The following CTNNA3 variants were observed in gnomAD, a reference collection of about 807,000 sequenced individuals.
CTNNA3 encodes the protein catenin alpha 3, also known as catenin alpha-3.
Under a neutral mutation model 95.7 loss-of-function variants are expected in CTNNA3, and 76 were observed. The observed-to-expected ratio is 0.79, with a 90% CI of 0.66 to 0.96. The LOEUF (loss-of-function observed/expected upper bound fraction) is 0.96. Ranked by LOEUF, CTNNA3 falls within the 40% of genes least tolerant of loss-of-function variation. The probability of loss-of-function intolerance (pLI) is 0.00; values close to 1 mark genes in which losing one functional copy is unlikely to be tolerated. For synonymous variants in CTNNA3, 431 were observed against 374.4 expected, an observed-to-expected ratio of 1.15 and a Z score of -1.74; for missense variants, 1,191 against 1,089.8, an observed-to-expected ratio of 1.09 and a Z score of -1.31.
rs1259501237 is a variant in CTNNA3 at position 67,443,493 on chromosome 10, T to C, written c.579+78349A>G. 9.9e-5 allele frequency among the ~76,000 whole-genome samples: 15 copies of C among 152,060 alleles called. No individual in the cohort carries two copies. In the South Asian group the frequency reaches 2.9e-3, roughly 29 times the overall value. On this transcript the variant is annotated intron_variant, in intron 5 of 17. Coordinates refer to ENST00000433211, the MANE Select transcript of CTNNA3 (RefSeq NM_013266.4). ...ACTTTTTAATGATTGCCGTTCTAAC[T>C]GGTGTGAGATGATATCTCATTGTGG... is the stretch of plus-strand genomic sequence containing the variant.
rs35076056 is a variant in CTNNA3 at position 66,958,308 on chromosome 10, CAAAAAAAA to C, written c.1048-182792_1048-182785del. Among the ~76,000 whole-genome samples the C allele has an allele frequency of 0.034, 2,972 of 87,000 alleles. 217 individuals are homozygous for C. The East Asian group carries it at 0.38, about 11-fold the overall frequency. The allele number at this position is 87,000 out of a possible 152,430, so 57.1% of individuals were successfully genotyped here. ...TTTTTTTCCTCCACCTGCTTTCTTGCAAAAAAAAAAAAAAAAAAAAAAAAAATGCCTGT... is the reference window on the plus strand; with the variant it reads ...TTTTTTTCCTCCACCTGCTTTCTTGCAAAAAAAAAAAAAAAAAATGCCTGT... On this transcript the variant is annotated intron_variant, in intron 7 of 17. Coordinates refer to ENST00000433211, the MANE Select transcript of CTNNA3 (RefSeq NM_013266.4).
At position 66,456,398 on chromosome 10, in the gene CTNNA3, G is replaced by C. The variant is rs533384694; in HGVS notation, c.1531+64219C>G. Among the ~76,000 whole-genome samples the C allele has an allele frequency of 1.5e-3, 234 of 152,206 alleles. 1 individual carries two copies. Among genetic ancestry groups the C allele is most frequent in the African/African-American group, 5.5e-3 (228 of 41,530 alleles). On this transcript the variant is annotated intron_variant, in intron 11 of 17. Coordinates refer to ENST00000433211, the MANE Select transcript of CTNNA3 (RefSeq NM_013266.4). ...GAATTCTGTGCAAAATAATCCAATGGGGAAAAGACAGTCTTTGCAACAAAT... is the reference window on the plus strand; with the variant it reads ...GAATTCTGTGCAAAATAATCCAATGCGGAAAAGACAGTCTTTGCAACAAAT...
intron 2 of CTNNA3, among the ~76,000 whole-genome samples, chr10:67,616,927 C>T (rs183842311): frequency 1.5e-4 from 23 of 152,104 alleles, no homozygotes; most frequent in South Asian, 2.1e-4. Context: ...CTCTTAAAAA[C>T]GATGTATAAC....
intron 5 of CTNNA3, among the ~76,000 whole-genome samples, chr10:67,435,281 C>T (rs904850372): frequency 6.6e-6 from 1 of 151,932 alleles, no homozygotes; most frequent in Admixed American, 6.6e-5. Flanking sequence ...ACTCAAACAT[C>T]CATACATCCG....
intron 7 of CTNNA3, among the ~76,000 whole-genome samples, chr10:66,905,830 T>C (rs963652620): frequency 6.6e-6 from 1 of 151,942 alleles, no homozygotes; most frequent in Non-Finnish European, 1.5e-5. Context: ...AGGCATTGGG[T>C]GAGGAGGAAA....
At position 66,318,276 on chromosome 10, in the gene CTNNA3, A is replaced by ATATGTGTGTGTGTGTGTGTGTG. The variant is rs33943741; in HGVS notation, c.1733-37656_1733-37655insCACACACACACACACACACATA. Among the ~76,000 whole-genome samples, 265 of 136,638 alleles carry ATATGTGTGTGTGTGTGTGTGTG rather than the reference A, an allele frequency of 1.9e-3. 1 individual carries two copies. The highest frequency in any genetic ancestry group is 6.6e-3 in the African/African-American group (245 of 37,012). 89.6% of individuals were successfully genotyped at this position (136,638 alleles called of 152,430 possible). ...GTTGCTGGGAGATATATATATATAT[A>ATATGTGTGTGTGTGTGTGTGTG]TGTGTGTGTGTGTGTGTGTGTGTGT... On this transcript the variant is annotated intron_variant, in intron 12 of 17. Coordinates refer to ENST00000433211, the MANE Select transcript of CTNNA3 (RefSeq NM_013266.4).
chr10:66,455,754 C>A (rs35455889), intron 11 of CTNNA3, among the ~76,000 whole-genome samples: 40,321 of 152,046 alleles, frequency 0.27, 5,515 homozygotes, highest in South Asian at 0.39. Flanking sequence ...TACACTGACA[C>A]TTCAATAAAT....
At chr10:67,603,700 T>G (rs1206355838) in intron 3 of CTNNA3, among the ~76,000 whole-genome samples, 2 of 152,114 alleles carry the variant, frequency 1.3e-5, no homozygotes, top group African/African-American at 4.8e-5. Flanking sequence ...TGTGTTTTAA[T>G]CTAAGTATTA....
At chr10:66,921,842 C>T (rs188472956) in intron 7 of CTNNA3, among the ~76,000 whole-genome samples, 188 of 152,256 alleles carry the variant, frequency 1.2e-3, no homozygotes, top group Non-Finnish European at 1.7e-3. Context: ...AGGGTACAGG[C>T]CTTTATTTTG....
intron 12 of CTNNA3, among the ~76,000 whole-genome samples, chr10:66,343,413 G>A (rs2092472992): frequency 6.6e-6 from 1 of 151,984 alleles, no homozygotes; most frequent in Non-Finnish European, 1.5e-5. Flanking sequence ...ATGAAATCCT[G>A]TCTTTCACAG....
intron 2 of CTNNA3, among the ~76,000 whole-genome samples, chr10:67,627,372 G>C (rs1838993628): frequency 6.6e-6 from 1 of 152,170 alleles, no homozygotes; most frequent in African/African-American, 2.4e-5. Context: ...CTAGAGTAGG[G>C]ACAATGGGGA....
chr10:66,929,547 C>T (rs978545123), intron 7 of CTNNA3, among the ~76,000 whole-genome samples: 1 of 152,184 alleles, frequency 6.6e-6, no homozygotes. Flanking sequence ...CAAGACGTGC[C>T]TTCCACCCAC....
rs1589445850 is a variant in CTNNA3, at chr10:67,577,617, T to C, written c.292+29240A>G. Reference sequence around the variant, plus strand: ...ACACCCATGCCTATGTCCTGAATGGTAATGCCTAGGTTTTGTATATATATG... The same window carrying C: ...ACACCCATGCCTATGTCCTGAATGGCAATGCCTAGGTTTTGTATATATATG... On this transcript the variant is annotated intron_variant, in intron 3 of 17. Transcript: ENST00000433211. 2.0e-5 allele frequency among the ~76,000 whole-genome samples: 3 copies of C among 152,174 alleles called. No individual in the cohort carries two copies. The South Asian group carries it at 6.2e-4, about 32-fold the overall frequency.
intron 9 of CTNNA3, among the ~76,000 whole-genome samples, chr10:66,651,662 G>A (rs1845906992): frequency 6.6e-6 from 1 of 152,148 alleles, no homozygotes; most frequent in South Asian, 2.1e-4. Flanking sequence ...CCGCCGGCCG[G>A]CACTGCTGGG....
intron 3 of CTNNA3, among the ~76,000 whole-genome samples, chr10:67,571,055 T>C (rs1434196333): frequency 1.3e-5 from 2 of 152,168 alleles, no homozygotes; most frequent in African/African-American, 4.8e-5. Context: ...TTTAGGAAGA[T>C]TTATCTGGCA....
intron 5 of CTNNA3, among the ~76,000 whole-genome samples, chr10:67,342,521 A>G (rs1283701268): frequency 6.6e-6 from 1 of 152,182 alleles, no homozygotes; most frequent in Non-Finnish European, 1.5e-5. Flanking sequence ...GCCCACTCCA[A>G]TGTCCTGGAG....
intron 1 of CTNNA3, among the ~76,000 whole-genome samples, chr10:67,740,579 C>T (rs1841330568): frequency 6.6e-6 from 1 of 151,466 alleles, no homozygotes; most frequent in African/African-American, 2.4e-5. Flanking sequence ...CACTGGCCAT[C>T]ACAGAAATGC....
chr10:67,552,425 C>T (rs934407297), intron 3 of CTNNA3, among the ~76,000 whole-genome samples: 81 of 151,588 alleles, frequency 5.3e-4, no homozygotes, highest in African/African-American at 1.9e-3. Flanking sequence ...ACCTGTACAT[C>T]GACGCCCTCT....
chr10:66,808,370 G>A (rs1841739315), intron 7 of CTNNA3, among the ~76,000 whole-genome samples: 1 of 152,114 alleles, frequency 6.6e-6, no homozygotes, highest in African/African-American at 2.4e-5. Flanking sequence ...TGTTCAGTGA[G>A]CAAAAGCACA....
Sources: gnomAD v4.1 joint callset for allele counts (sites outside exome capture counted in the v4.1 genomes callset) on GRCh38, gnomAD v4.1.1 for gene constraint, MANE v1.5 for transcripts, NCBI Gene and HGNC (gene_info 2026-07-23, HGNC 2026-07-21) for gene names.